The following FARP2 variants were observed in gnomAD, a reference collection of about 807,000 sequenced individuals.
FARP2 encodes FERM, ARHGEF and pleckstrin domain-containing protein 2.
A neutral mutation model predicts 130.5 loss-of-function variants in FARP2; 111 were observed. That is an observed-to-expected ratio of 0.85 (90% CI 0.73 to 1.00). FARP2 has a LOEUF of 1.00. FARP2 is among the 50% of genes least tolerant of loss of function. The pLI is 0.00. For missense variants in FARP2, 1,385 were observed against 1,346.3 expected, an observed-to-expected ratio of 1.03 and a Z score of -0.45; for synonymous variants, 504 against 516.9, an observed-to-expected ratio of 0.98 and a Z score of 0.34.
intron 21 of FARP2, among the ~76,000 whole-genome samples, chr2:241,484,729 G>A (rs576541273): frequency 3.9e-5 from 6 of 152,304 alleles, no homozygotes; most frequent in African/African-American, 1.2e-4. Context: ...CACATGCCTG[G>A]GATGGGAAGA....
chr2:241,432,244 G>A (rs769750332), intron 9 of FARP2: 2 of 152,682 alleles, frequency 1.3e-5, no homozygotes, highest in Non-Finnish European at 2.9e-5. Flanking sequence ...GACAGGATTC[G>A]GGACTTAGGT....
intron 2 of FARP2, chr2:241,387,136 A>G (rs962318603): frequency 1.3e-5 from 2 of 152,202 alleles, no homozygotes; most frequent in African/African-American, 2.4e-5. Flanking sequence ...GCGTTGTTTT[A>G]TTCGGTCCTC....
At chr2:241,397,150 CA>C (rs1226658449) in intron 2 of FARP2, among the ~76,000 whole-genome samples, 1 of 152,060 alleles carries the variant, frequency 6.6e-6, no homozygotes, top group Non-Finnish European at 1.5e-5. Context: ...CACGTGGACA[CA>C]GGAAGGGGAA....
In FARP2 at chr2:241,417,998, C is replaced by T. The variant is rs1252746247; in HGVS notation, c.660C>T (p.Leu220=). 1.2e-6 allele frequency: 2 copies of T among 1,614,042 alleles called. No homozygotes were observed. ...CTGCTGAGTCGGATTTCCAGGTGCT[C>T]GAAATTGCTCGAAAGTTGGAAATGT... The part of the protein sequence containing the change: ...QTPAESDFQV[L]EIARKLEMYG... The change falls in exon 8 of 27, where the codon CTC becomes CTT. Residue 220 remains leucine (L), a synonymous_variant. Coordinates refer to ENST00000264042, the MANE Select transcript of FARP2 (RefSeq NM_014808.4).
In FARP2 at chr2:241,385,163, A is replaced by G. The variant is rs537285133; in HGVS notation, c.183+11873A>G. ...AAATTTTACTTATTTAGAGGAATCA[A>G]ATTTGGAGAAAACTGAGAACACTAG... On this transcript the variant is annotated intron_variant, in intron 2 of 26. Coordinates refer to ENST00000264042, the MANE Select transcript of FARP2 (RefSeq NM_014808.4). 2.6e-5 allele frequency among the ~76,000 whole-genome samples: 4 copies of G among 152,292 alleles called. 1 individual carries two copies. In the South Asian group the frequency reaches 6.2e-4, roughly 24 times the overall value.
intron 5 of FARP2, among the ~76,000 whole-genome samples, chr2:241,409,326 G>GA (rs2062454426): frequency 6.6e-6 from 1 of 152,164 alleles, no homozygotes; most frequent in South Asian, 2.1e-4. Context: ...AAGGTGGGGG[G>GA]ATCAGTTGAG....
chr2:241,390,737 G>A (rs759687594), intron 2 of FARP2, among the ~76,000 whole-genome samples: 1 of 151,786 alleles, frequency 6.6e-6, no homozygotes. Flanking sequence ...GTTGTACATA[G>A]GATCTTATTT....
chr2:241,481,983 C>G (rs952977136), intron 19 of FARP2, among the ~76,000 whole-genome samples: 4 of 152,204 alleles, frequency 2.6e-5, no homozygotes, highest in Non-Finnish European at 4.4e-5. Flanking sequence ...TATTATTAGT[C>G]AAAATCTCTA....
intron 1 of FARP2, among the ~76,000 whole-genome samples, chr2:241,368,947 CAG>C (rs1400252989): frequency 6.6e-6 from 1 of 152,066 alleles, no homozygotes; most frequent in Non-Finnish European, 1.5e-5. Context: ...TGACAACAAA[CAG>C]ATTTTTCTTT....
intron 2 of FARP2, among the ~76,000 whole-genome samples, chr2:241,385,604 C>A (rs920049036): frequency 6.6e-6 from 1 of 152,044 alleles, no homozygotes; most frequent in African/African-American, 2.4e-5. Flanking sequence ...CCTGTAGTCC[C>A]AGCTACTCAG....
At position 241,475,957 on chromosome 2, in the gene FARP2, G is replaced by A. The variant is rs765730190; in HGVS notation, c.2232G>A (p.Val744=). The change falls in exon 19 of 27, where the codon GTG becomes GTA. Residue 744 remains valine (V), a synonymous_variant. Coordinates refer to ENST00000264042, the MANE Select transcript of FARP2 (RefSeq NM_014808.4). The surrounding 1 kb of genome is among the most constrained non-coding windows in gnomAD (Gnocchi z 4.4). ...QKLTELQRDL[V]GIENLIAPGR... ...TAACGGAGCTGCAGCGGGACCTGGT[G>A]GGCATAGAGAACCTCATTGCTCCTG... is the stretch of plus-strand genomic sequence containing the variant. 3.1e-6 allele frequency: 5 copies of A among 1,613,912 alleles called. No individual in the cohort carries two copies. The East Asian group carries it at 1.1e-4, about 36-fold the overall frequency.
At chr2:241,388,845 G>A (rs1164599213) in intron 2 of FARP2, among the ~76,000 whole-genome samples, 4 of 151,766 alleles carry the variant, frequency 2.6e-5, no homozygotes, top group Non-Finnish European at 5.9e-5. Flanking sequence ...TATCTCTAAT[G>A]CTATGGACTA....
rs1458965866 is a variant in FARP2, at chr2:241,440,261, A to G, written c.1159-1043A>G. Among the ~76,000 whole-genome samples, 5 of 152,218 alleles carry G rather than the reference A, an allele frequency of 3.3e-5. No homozygotes were observed. The South Asian group carries it at 8.3e-4, about 25-fold the overall frequency. On this transcript the variant is annotated intron_variant, in intron 12 of 26. Coordinates refer to ENST00000264042, the MANE Select transcript of FARP2 (RefSeq NM_014808.4). ...TTTGGTTATATTTTGGTCTGACCAC[A>G]CTCTTAACGATGTGGCGTGTGTATA...
intron 2 of FARP2, among the ~76,000 whole-genome samples, chr2:241,383,593 C>T (rs1045583761): frequency 6.6e-6 from 1 of 152,140 alleles, no homozygotes; most frequent in Non-Finnish European, 1.5e-5. Context: ...TGGTCCAGAA[C>T]CAGGTCAGGA....
At chr2:241,413,082 A>C (rs999911404) in intron 6 of FARP2, among the ~76,000 whole-genome samples, 2 of 152,200 alleles carry the variant, frequency 1.3e-5, no homozygotes, top group Non-Finnish European at 2.9e-5. Context: ...GGAGTTACTA[A>C]TCAGGCCTTT....
intron 2 of FARP2, among the ~76,000 whole-genome samples, chr2:241,396,188 A>G (rs2062023139): frequency 6.6e-6 from 1 of 152,028 alleles, no homozygotes; most frequent in Non-Finnish European, 1.5e-5. Context: ...TTAATTCAAG[A>G]TGGATTAAAG....
intron 7 of FARP2, among the ~76,000 whole-genome samples, chr2:241,415,989 C>CTCTGTGTGTGTGTGTGTG (rs764755388): frequency 7.1e-6 from 1 of 141,714 alleles, no homozygotes; most frequent in South Asian, 2.4e-4. Context: ...CAGGGTAGTT[C>CTCTGTGTGTGTGTGTGTG]TGTGTGTGTG....
intron 19 of FARP2, chr2:241,478,687 A>T: frequency 2.1e-6 from 1 of 482,004 alleles, no homozygotes; most frequent in Admixed American, 2.3e-5. Context: ...GTATCACTTC[A>T]TTAATAAAAC....
At chr2:241,406,550 A>G (rs1285973062) in intron 4 of FARP2, among the ~76,000 whole-genome samples, 1 of 151,152 alleles carries the variant, frequency 6.6e-6, no homozygotes, top group Non-Finnish European at 1.5e-5. Context: ...GGGCTCCACC[A>G]GTCCTCCCAC....
Sources: gnomAD v4.1 joint callset for allele counts (sites outside exome capture counted in the v4.1 genomes callset) on GRCh38, gnomAD v4.1.1 for gene constraint, Gnocchi (gnomAD v3.1) non-coding constraint, MANE v1.5 for transcripts, NCBI Gene and HGNC (gene_info 2026-07-23, HGNC 2026-07-21) for gene names.